GLT1D1: variants seen among roughly 807,000 people sequenced by gnomAD.
GLT1D1 encodes the protein glycosyltransferase 1 domain containing 1.
In GLT1D1, 21 loss-of-function variants were observed where a neutral mutation model predicts 28.7. That is an observed-to-expected ratio of 0.73 (90% CI 0.52 to 1.05). The LOEUF (loss-of-function observed/expected upper bound fraction) is 1.05, where lower values mean the gene tolerates loss of function less well. Ranked by LOEUF, GLT1D1 falls within the 50% of genes least tolerant of loss-of-function variation. The pLI is 0.00. For missense variants in GLT1D1, 343 were observed against 330.6 expected (o/e 1.04, Z -0.29); for synonymous variants, 147 against 124.8 (o/e 1.18, Z -1.19).
At chr12:128,955,411 G>A (rs74349929) in intron 6 of GLT1D1, among the ~76,000 whole-genome samples, 2,645 of 152,216 alleles carry the variant, frequency 0.017, 76 homozygotes, top group African/African-American at 0.06. Flanking sequence ...TTGCAGATAG[G>A]TGTCTTCTCC....
At position 128,984,016 on chromosome 12, in the gene GLT1D1, A is replaced by T; in HGVS notation, c.*926A>T. 6.6e-6 allele frequency: 1 copy of T among 152,274 alleles called. No individual in the cohort carries two copies. The highest frequency in any genetic ancestry group is 1.5e-5 in the Non-Finnish European group (1 of 68,082). The allele number at this position is 152,274 out of a possible 1,614,324, so 9.4% of individuals were successfully genotyped here. ...TCGCCCCATCCATGTCATCCATGTC[A>T]CATGAGGACGTGCAGTCTTCCTTGT... is the stretch of plus-strand genomic sequence containing the variant. On this transcript the variant is annotated 3_prime_UTR_variant, in exon 8 of 8. Coordinates refer to ENST00000281703, the MANE Select transcript of GLT1D1 (RefSeq NM_144669.3).
At chr12:128,866,651 C>T (rs1376974586) in intron 1 of GLT1D1, among the ~76,000 whole-genome samples, 3 of 146,112 alleles carry the variant, frequency 2.1e-5, no homozygotes, top group African/African-American at 2.5e-5. Context: ...GACCAAGTCT[C>T]TCTCTGTCAC....
chr12:128,972,962 A>G (rs1046387886), intron 7 of GLT1D1, among the ~76,000 whole-genome samples: 1 of 152,128 alleles, frequency 6.6e-6, no homozygotes. Flanking sequence ...TTTCAAGTAT[A>G]CTAGAGTCAC....
chr12:128,964,218 CA>C (rs1236058561), intron 7 of GLT1D1, among the ~76,000 whole-genome samples: 2 of 152,080 alleles, frequency 1.3e-5, no homozygotes, highest in African/African-American at 2.4e-5. Flanking sequence ...CCTGTCTCTA[CA>C]AAAAAAGTAA....
At chr12:128,912,584 AGAG>A in intron 4 of GLT1D1, 124 bp downstream of exon 5, 1 of 383,208 alleles carries the variant, frequency 2.6e-6, no homozygotes, top group East Asian at 4.2e-5. Context: ...TGCATCCTTA[AGAG>A]ACACATATTG....
chr12:128,943,850 G>A (rs1875669957), intron 4 of GLT1D1, among the ~76,000 whole-genome samples: 1 of 152,142 alleles, frequency 6.6e-6, no homozygotes, highest in African/African-American at 2.4e-5. Flanking sequence ...GATGTCTTTT[G>A]TGGCATCGAT....
chr12:128,969,842 C>T (rs1344896762), intron 7 of GLT1D1, among the ~76,000 whole-genome samples: 4 of 152,192 alleles, frequency 2.6e-5, no homozygotes, highest in Admixed American at 2.0e-4. Context: ...TGGGCCCTCG[C>T]GTGGGTGCAC....
chr12:128,940,438 G>T (rs1241355545), intron 4 of GLT1D1, among the ~76,000 whole-genome samples: 2 of 152,158 alleles, frequency 1.3e-5, no homozygotes, highest in Non-Finnish European at 2.9e-5. Flanking sequence ...AAACTGACAC[G>T]CAGAGAGGTC....
chr12:128,916,375 G>T (rs1872112138), intron 4 of GLT1D1, among the ~76,000 whole-genome samples: 1 of 152,016 alleles, frequency 6.6e-6, no homozygotes, highest in African/African-American at 2.4e-5. Context: ...ACTTCTCTTG[G>T]ATAAATGCCT....
Position 128,879,931 on chromosome 12 carries a change from T to C in GLT1D1, c.217+3869T>C, listed in dbSNP as rs759029006. Among the ~76,000 whole-genome samples, 105 of 152,372 alleles carry C rather than the reference T, an allele frequency of 6.9e-4. 1 individual carries two copies. Among genetic ancestry groups the C allele is most frequent in the Non-Finnish European group, 1.2e-3 (84 of 68,032 alleles). ...CCACTGTGACAATGCACCATACTTA[T>C]TAAAAGTCTCTCTTGTTTTTTTGCT... is the stretch of plus-strand genomic sequence containing the variant. On this transcript the variant is annotated intron_variant, in intron 2 of 7. Coordinates refer to ENST00000281703, the MANE Select transcript of GLT1D1 (RefSeq NM_144669.3).
intron 3 of GLT1D1, among the ~76,000 whole-genome samples, chr12:128,896,851 C>T (rs986336011): frequency 3.9e-5 from 6 of 152,094 alleles, no homozygotes; most frequent in African/African-American, 1.4e-4. Context: ...ATATCTTTAT[C>T]ATAAACAACA....
chr12:128,915,510 A>G (rs547393325), intron 4 of GLT1D1, among the ~76,000 whole-genome samples: 2 of 151,970 alleles, frequency 1.3e-5, no homozygotes, highest in South Asian at 4.1e-4. Context: ...TACTACATGC[A>G]TGCGCCACCA....
At chr12:128,973,950 TGG>T (rs199984214) in intron 7 of GLT1D1, among the ~76,000 whole-genome samples, 7 of 107,052 alleles carry the variant, frequency 6.5e-5, no homozygotes, top group Admixed American at 2.2e-4. Context: ...TGTGTGTGTG[TGG>T]GGGGGGCGCT....
intron 7 of GLT1D1, among the ~76,000 whole-genome samples, chr12:128,959,961 T>C (rs949212775): frequency 6.6e-6 from 1 of 152,202 alleles, no homozygotes; most frequent in Non-Finnish European, 1.5e-5. Flanking sequence ...TCTATTAGGC[T>C]GAACAAAAGA....
intron 3 of GLT1D1, among the ~76,000 whole-genome samples, chr12:128,891,877 C>G (rs1002423313): frequency 6.6e-6 from 1 of 152,092 alleles, no homozygotes; most frequent in African/African-American, 2.4e-5. Flanking sequence ...CACTCATGAC[C>G]CAGCCTCAAG....
intron 1 of GLT1D1, among the ~76,000 whole-genome samples, chr12:128,864,898 C>T (rs987734348): frequency 1.3e-5 from 2 of 152,162 alleles, no homozygotes; most frequent in African/African-American, 4.8e-5. Flanking sequence ...GCCTGTCTTG[C>T]AGCTGTGACT....
chr12:128,881,235 A>C lies in GLT1D1; in HGVS notation c.217+5173A>C, dbSNP rs1482001802. On this transcript the variant is annotated intron_variant, in intron 2 of 7. Coordinates refer to ENST00000281703, the MANE Select transcript of GLT1D1 (RefSeq NM_144669.3). ...CGAGACTCCGTTTCAAAAAAAAAAAAAAAAAAAAACTATAGTCCAGGCGCG... is the reference window on the plus strand; with the variant it reads ...CGAGACTCCGTTTCAAAAAAAAAAACAAAAAAAAACTATAGTCCAGGCGCG... 1.3e-4 allele frequency among the ~76,000 whole-genome samples: 19 copies of C among 148,858 alleles called. 1 individual carries two copies. The highest frequency in any genetic ancestry group is 4.4e-4 in the African/African-American group (18 of 40,552).
intron 4 of GLT1D1, among the ~76,000 whole-genome samples, chr12:128,938,334 T>G (rs767735633): frequency 2.5e-4 from 38 of 152,208 alleles, no homozygotes; most frequent in Non-Finnish European, 4.7e-4. Context: ...ACAAAAAAAT[T>G]GTGTATGGCT....
At chr12:128,889,405 C>G (rs867703680) in intron 3 of GLT1D1, among the ~76,000 whole-genome samples, 1 of 152,114 alleles carries the variant, frequency 6.6e-6, no homozygotes, top group African/African-American at 2.4e-5. Context: ...GAGAACAGCT[C>G]TACATGCTCT....
Sources: gnomAD v4.1 joint callset for allele counts (sites outside exome capture counted in the v4.1 genomes callset) on GRCh38, gnomAD v4.1.1 for gene constraint, MANE v1.5 for transcripts, NCBI Gene and HGNC (gene_info 2026-07-23, HGNC 2026-07-21) for gene names.